Variants in FGF13 observed in about 807,000 individuals in gnomAD.
FGF13 encodes the protein fibroblast growth factor 13, also known as fibroblast growth factor homologous factor 2.
Under a neutral mutation model 19.5 loss-of-function variants are expected in FGF13, and 2 were observed. The observed-to-expected ratio is 0.10, with a 90% CI of 0.04 to 0.32. The LOEUF (loss-of-function observed/expected upper bound fraction) is 0.32. FGF13 is among the 10% of genes least tolerant of loss of function. The probability of loss-of-function intolerance (pLI) is 1.00; values close to 1 mark genes in which losing one functional copy is unlikely to be tolerated. For missense variants in FGF13, 113 were observed against 192.7 expected (o/e 0.59, Z 2.45); for synonymous variants, 72 against 76.9 (o/e 0.94, Z 0.33).
At chrX:139,089,614 A>G (rs770382807) in intron 1 of FGF13, among the ~76,000 whole-genome samples, 52 of 111,697 alleles carry the variant, frequency 4.7e-4, no homozygotes, top group African/African-American at 1.6e-3. Context: ...TATATGCCTC[A>G]GTTTCTTCAT....
At chrX:138,971,663 TA>T (rs1272438345) in intron 1 of FGF13, among the ~76,000 whole-genome samples, 2 of 111,941 alleles carry the variant, frequency 1.8e-5, no homozygotes, top group Admixed American at 9.5e-5. Context: ...ATATATTGTG[TA>T]AAAGTCAAAT....
At chrX:138,814,815 T>A (rs2090950558) in intron 3 of FGF13, among the ~76,000 whole-genome samples, 1 of 110,972 alleles carries the variant, frequency 9.0e-6, no homozygotes, top group Non-Finnish European at 1.9e-5. Context: ...AGAACTATCA[T>A]ATGATCCAGT....
intron 3 of FGF13, among the ~76,000 whole-genome samples, chrX:138,784,387 C>T (rs942984564): frequency 1.8e-5 from 2 of 108,985 alleles, no homozygotes; most frequent in Non-Finnish European, 3.8e-5. Flanking sequence ...TTCCTCATTG[C>T]CCACTCAATC....
intron 3 of FGF13, among the ~76,000 whole-genome samples, chrX:138,812,836 A>G (rs2090936430): frequency 1.8e-5 from 2 of 109,756 alleles, no homozygotes; most frequent in South Asian, 4.0e-4. Flanking sequence ...CCGTCTTCTA[A>G]GTTCCCTCCC....
At chrX:138,968,137 G>A (rs1285606106) in intron 1 of FGF13, among the ~76,000 whole-genome samples, 2 of 111,713 alleles carry the variant, frequency 1.8e-5, no homozygotes, top group African/African-American at 6.5e-5. Flanking sequence ...TGCAAGTTCT[G>A]ACAATTATTA....
intron 1 of FGF13, among the ~76,000 whole-genome samples, chrX:139,185,576 C>T (rs2084276113): frequency 9.0e-6 from 1 of 111,412 alleles, no homozygotes; most frequent in Non-Finnish European, 1.9e-5. Flanking sequence ...CCGGAGTCCA[C>T]CGTGCATGTC....
chrX:139,102,117 C>T (rs773525761), intron 1 of FGF13, among the ~76,000 whole-genome samples: 87 of 112,152 alleles, frequency 7.8e-4, no homozygotes, highest in South Asian at 5.2e-3. Flanking sequence ...TGAATCTTCT[C>T]CTCCCTATTG....
chrX:138,959,470 T>C (rs185222477), intron 1 of FGF13, among the ~76,000 whole-genome samples: 223 of 112,177 alleles, frequency 2.0e-3, no homozygotes, highest in African/African-American at 7.0e-3. Context: ...ATAAATGTGA[T>C]GTGGTGCTGA....
chrX:138,765,654 G>T (rs745351546), intron 3 of FGF13, among the ~76,000 whole-genome samples: 61 of 112,114 alleles, frequency 5.4e-4, no homozygotes, highest in Non-Finnish European at 9.4e-4. Flanking sequence ...TCAGCAGTCA[G>T]ATGGCCTTGG....
chrX:138,739,533 A>G (rs1322951700), upstream of FGF13, among the ~76,000 whole-genome samples: 1 of 111,919 alleles, frequency 8.9e-6, no homozygotes, highest in Non-Finnish European at 1.9e-5. Context: ...GGACTCAGAC[A>G]TAAGCTTTGC....
At position 138,625,901 on chromosome X, in the gene FGF13, T is replaced by C. The variant is rs1190384205; in HGVS notation, c.*6949A>G. 1 of 111,331 alleles carries C rather than the reference T, an allele frequency of 9.0e-6. No homozygotes were observed. Among genetic ancestry groups the C allele is most frequent in the Non-Finnish European group, 1.9e-5 (1 of 53,086 alleles). The allele number at this position is 111,331 out of a possible 1,213,427, so 9.2% of individuals were successfully genotyped here. A position where few individuals can be genotyped will look rare whatever the true frequency, so the allele number is the denominator to read the frequency against. On this transcript the variant is annotated 3_prime_UTR_variant, in exon 5 of 5. Coordinates refer to ENST00000315930, the MANE Select transcript of FGF13 (RefSeq NM_004114.5). Reference sequence around the variant, plus strand: ...TGATTTTTTTCTGATATGATTGTACTGGTCAAACTGCCCCTATAACTTGAG... The same window carrying C: ...TGATTTTTTTCTGATATGATTGTACCGGTCAAACTGCCCCTATAACTTGAG...
At chrX:139,030,927 G>A (rs144905906) in intron 1 of FGF13, among the ~76,000 whole-genome samples, 2,289 of 112,050 alleles carry the variant, frequency 0.02, 22 homozygotes, top group Non-Finnish European at 0.03. Flanking sequence ...TCCACCAGAG[G>A]CATGTTAAAA....
Position 138,940,956 on chromosome X carries a change from T to C in FGF13, c.-112-76306A>G, listed in dbSNP as rs531700336. 3.8e-4 allele frequency among the ~76,000 whole-genome samples: 43 copies of C among 111,821 alleles called. No individual in the cohort carries two copies. In the South Asian group the frequency reaches 0.016, roughly 41 times the overall value. On this transcript the variant is annotated intron_variant, in intron 1 of 2. Coordinates refer to the FGF13 transcript ENST00000421460. ...ATTTTAAAGGAGTTGTAATTGTGAA[T>C]AATGTCATTGTTTTATCTCAACGCA...
chrX:138,734,453 A>G (rs2090257524), intron 1 of FGF13, among the ~76,000 whole-genome samples: 1 of 111,386 alleles, frequency 9.0e-6, no homozygotes, highest in Non-Finnish European at 1.9e-5. Flanking sequence ...CCTCCTAGGA[A>G]TATAATAATC....
chrX:139,030,052 CAT>C (rs1299216880), intron 1 of FGF13, among the ~76,000 whole-genome samples: 2 of 111,899 alleles, frequency 1.8e-5, no homozygotes, highest in African/African-American at 6.5e-5. Flanking sequence ...CTTACAAAAA[CAT>C]GTGGACTGTC....
chrX:138,865,467 CTCTCTCCT>C (rs377571636), intron 1 of FGF13, among the ~76,000 whole-genome samples: 6 of 86,618 alleles, frequency 6.9e-5, no homozygotes, highest in African/African-American at 3.5e-4. Context: ...CTCTCTCTCT[CTCTCTCCT>C]CTCTCTCTCT....
chrX:138,854,631 CA>C (rs1203090164), downstream of FGF13, among the ~76,000 whole-genome samples: 1 of 112,226 alleles, frequency 8.9e-6, no homozygotes, highest in Non-Finnish European at 1.9e-5. Flanking sequence ...AACTGTATCA[CA>C]ATACACATAA....
At chrX:138,836,183 G>A (rs1434757020) in intron 3 of FGF13, among the ~76,000 whole-genome samples, 1 of 111,130 alleles carries the variant, frequency 9.0e-6, no homozygotes, top group African/African-American at 3.3e-5. Context: ...TTATCGTAGA[G>A]TATCTTAGTG....
intron 1 of FGF13, among the ~76,000 whole-genome samples, chrX:139,129,109 A>C (rs1184225340): frequency 9.4e-6 from 1 of 106,515 alleles, no homozygotes; most frequent in Non-Finnish European, 1.9e-5. Flanking sequence ...CTTCAGCAAA[A>C]TAATCAGGGA....
Sources: gnomAD v4.1 joint callset for allele counts (sites outside exome capture counted in the v4.1 genomes callset) on GRCh38, gnomAD v4.1.1 for gene constraint, MANE v1.5 for transcripts, NCBI Gene and HGNC (gene_info 2026-07-23, HGNC 2026-07-21) for gene names.